The following NFIA variants were observed in gnomAD, a reference collection of about 807,000 sequenced individuals.
NFIA encodes nuclear factor 1 A-type.
Under a neutral mutation model 62.8 loss-of-function variants are expected in NFIA, and 8 were observed. That is an observed-to-expected ratio of 0.13 (90% CI 0.07 to 0.23). The LOEUF (loss-of-function observed/expected upper bound fraction) is 0.23. Among genes scored for constraint, NFIA ranks in the 10% least tolerant of loss-of-function variants. NFIA has a pLI of 1.00. For missense variants in NFIA, 410 were observed against 642.1 expected (o/e 0.64, Z 3.91); for synonymous variants, 235 against 238.1 (o/e 0.99, Z 0.12).
chr1:61,451,703 G>A (rs1174079199), intron 10 of NFIA, among the ~76,000 whole-genome samples: 1 of 152,126 alleles, frequency 6.6e-6, no homozygotes, highest in Non-Finnish European at 1.5e-5. Context: ...ATAGATCAAA[G>A]CTCTGTGTTT....
intron 4 of NFIA, 76 bp downstream of exon 4, chr1:61,332,662 A>T (rs1661359216): frequency 8.0e-7 from 1 of 1,255,294 alleles, no homozygotes; most frequent in Non-Finnish European, 1.1e-6. Context: ...ACTCCTAGAG[A>T]CCAAAAAAAG....
At chr1:61,348,000 A>G (rs564420273) in intron 4 of NFIA, among the ~76,000 whole-genome samples, 2 of 152,234 alleles carry the variant, frequency 1.3e-5, no homozygotes, top group African/African-American at 2.4e-5. Context: ...GAAATTAAGT[A>G]CAGTAAGTAC....
At chr1:61,389,949 A>G (rs1664886791) in intron 7 of NFIA, among the ~76,000 whole-genome samples, 1 of 152,152 alleles carries the variant, frequency 6.6e-6, no homozygotes, top group South Asian at 2.1e-4. Context: ...TTTTCCACAA[A>G]TATTTATCAG....
chr1:61,359,557 G>T (rs552608373), intron 6 of NFIA, among the ~76,000 whole-genome samples: 32 of 152,118 alleles, frequency 2.1e-4, no homozygotes, highest in African/African-American at 7.5e-4. Flanking sequence ...TTTGCTTTTG[G>T]TTTTTTTGTT....
chr1:61,106,003 C>G (rs1445653683), intron 2 of NFIA, among the ~76,000 whole-genome samples: 1 of 151,214 alleles, frequency 6.6e-6, no homozygotes, highest in Non-Finnish European at 1.5e-5. Flanking sequence ...AATCTCGGTT[C>G]TGTAACCAGA....
In NFIA at chr1:61,460,638, G is replaced by A. The variant is rs1277632326; in HGVS notation, c.*5318G>A. ...TATAATGCCAGCTTTAGGACAGAAAGAATTATAAGAAAACCAGCATAATAC... is the reference window on the plus strand; with the variant it reads ...TATAATGCCAGCTTTAGGACAGAAAAAATTATAAGAAAACCAGCATAATAC... On this transcript the variant is annotated 3_prime_UTR_variant, in exon 11 of 11. Transcript: ENST00000403491. 1 of 152,204 alleles carries A rather than the reference G, an allele frequency of 6.6e-6. No homozygotes were observed. The allele number at this position is 152,204 out of a possible 1,614,324, so 9.4% of individuals were successfully genotyped here. A position where few individuals can be genotyped will look rare whatever the true frequency, so the allele number is the denominator to read the frequency against.
At chr1:61,204,407 A>T (rs55784874) in intron 2 of NFIA, among the ~76,000 whole-genome samples, 56 of 152,350 alleles carry the variant, frequency 3.7e-4, no homozygotes, top group Non-Finnish European at 7.5e-4. Context: ...ATCTATTTGG[A>T]TTTAGAGCAT....
chr1:61,111,147 A>C (rs1208233350), intron 2 of NFIA, among the ~76,000 whole-genome samples: 1 of 152,132 alleles, frequency 6.6e-6, no homozygotes, highest in Non-Finnish European at 1.5e-5. Context: ...CTGAAGAACA[A>C]AGGCCTACTT....
intron 2 of NFIA, among the ~76,000 whole-genome samples, chr1:61,138,366 A>G (rs1647257081): frequency 6.6e-6 from 1 of 152,100 alleles, no homozygotes; most frequent in African/African-American, 2.4e-5. Context: ...AAAGTATTGG[A>G]ATTACAGGCA....
At chr1:61,166,555 A>G (rs999041566) in intron 2 of NFIA, among the ~76,000 whole-genome samples, 1 of 152,192 alleles carries the variant, frequency 6.6e-6, no homozygotes, top group Non-Finnish European at 1.5e-5. Context: ...CTTATAGTTT[A>G]TAGACTCTTA....
chr1:61,395,782 A>G (rs1665240006), intron 7 of NFIA, among the ~76,000 whole-genome samples: 1 of 152,214 alleles, frequency 6.6e-6, no homozygotes, highest in South Asian at 2.1e-4. Context: ...CTGGGGCTGT[A>G]TTTCACAGAG....
At chr1:61,424,880 T>C (rs1451386103) in intron 9 of NFIA, among the ~76,000 whole-genome samples, 2 of 152,198 alleles carry the variant, frequency 1.3e-5, no homozygotes, top group Non-Finnish European at 2.9e-5. Flanking sequence ...AAGTGAGAGG[T>C]ACAGGCAGAA....
intron 2 of NFIA, among the ~76,000 whole-genome samples, chr1:61,093,485 A>C (rs1047566487): frequency 2.0e-5 from 3 of 152,160 alleles, no homozygotes; most frequent in Non-Finnish European, 4.4e-5. Flanking sequence ...TAAATTATTG[A>C]TATATGGCAT....
At chr1:61,446,210 T>A (rs17122229) in intron 10 of NFIA, among the ~76,000 whole-genome samples, 3 of 152,128 alleles carry the variant, frequency 2.0e-5, no homozygotes, top group Non-Finnish European at 4.4e-5. Context: ...GTCCAGTGCT[T>A]AACTATCTTT....
At chr1:61,345,200 C>T (rs61770523) in intron 4 of NFIA, among the ~76,000 whole-genome samples, 15,315 of 152,114 alleles carry the variant, frequency 0.1, 1,027 homozygotes, top group Non-Finnish European at 0.14. Context: ...ACTTCAGATT[C>T]GTTAATTACA....
rs554691317 is a variant in NFIA at position 61,330,443 on chromosome 1, C to CCCCA, written c.626-2068_626-2067insCCAC. 2.6e-3 allele frequency among the ~76,000 whole-genome samples: 238 copies of CCCCA among 90,708 alleles called. 12 individuals are homozygous for CCCCA. The East Asian group carries it at 0.06, about 23-fold the overall frequency. 59.5% of individuals were successfully genotyped at this position (90,708 alleles called of 152,430 possible). On this transcript the variant is annotated intron_variant, in intron 3 of 10. Coordinates refer to ENST00000403491, the MANE Select transcript of NFIA (RefSeq NM_001134673.4). Reference sequence around the variant, plus strand: ...AACTTAGGAAATAGATACACCCCCCCCACACACACACACACACGCACACAT... The same window carrying CCCCA: ...AACTTAGGAAATAGATACACCCCCCCCCCACACACACACACACACACGCACACAT...
chr1:61,368,665 G>T (rs1194788473), intron 6 of NFIA, among the ~76,000 whole-genome samples: 1 of 152,172 alleles, frequency 6.6e-6, no homozygotes, highest in Non-Finnish European at 1.5e-5. Flanking sequence ...AAAGTATCGT[G>T]CAGGGCACTA....
At chr1:61,445,469 G>A (rs1265194709) in intron 10 of NFIA, among the ~76,000 whole-genome samples, 2 of 151,762 alleles carry the variant, frequency 1.3e-5, no homozygotes, top group Non-Finnish European at 2.9e-5. Flanking sequence ...TGCTGTTTCA[G>A]CATTAAAAAA....
chr1:61,202,374 G>A (rs561336390), intron 2 of NFIA, among the ~76,000 whole-genome samples: 1 of 152,252 alleles, frequency 6.6e-6, no homozygotes, highest in South Asian at 2.1e-4. Context: ...AGATTCATAT[G>A]GCAGGGTTTT....
Sources: gnomAD v4.1 joint callset for allele counts (sites outside exome capture counted in the v4.1 genomes callset) on GRCh38, gnomAD v4.1.1 for gene constraint, MANE v1.5 for transcripts, NCBI Gene and HGNC (gene_info 2026-07-23, HGNC 2026-07-21) for gene names.